Variants in DNMT3B observed in about 807,000 individuals in gnomAD.
The protein encoded by DNMT3B is DNA methyltransferase 3 beta.
A neutral mutation model predicts 120.2 loss-of-function variants in DNMT3B; 37 were observed. That is an observed-to-expected ratio of 0.31 (90% CI 0.24 to 0.40). DNMT3B has a LOEUF of 0.40. Ranked by LOEUF, DNMT3B falls within the 10% of genes least tolerant of loss-of-function variation. The probability of loss-of-function intolerance (pLI) is 1.00; values close to 1 mark genes in which losing one functional copy is unlikely to be tolerated. For synonymous variants in DNMT3B, 412 were observed against 442.8 expected (o/e 0.93, Z 0.87); for missense variants, 878 against 1,137.3 (o/e 0.77, Z 3.28).
chr20:32,763,222 G>C (rs1263351361), intron 1 of DNMT3B, among the ~76,000 whole-genome samples: 1 of 152,206 alleles, frequency 6.6e-6, no homozygotes, highest in Non-Finnish European at 1.5e-5. Context: ...GTCTTCAGGC[G>C]AGGCGCTGTC....
chr20:32,778,742 CTTGAGGCCAGGAGT>C (rs1314949787), intron 1 of DNMT3B, among the ~76,000 whole-genome samples: 1 of 152,206 alleles, frequency 6.6e-6, no homozygotes, highest in Non-Finnish European at 1.5e-5. Flanking sequence ...GGGAGGATCC[CTTGAGGCCAGGAGT>C]TTGAGGCCAG....
Position 32,777,682 on chromosome 20 carries a change from T to A in DNMT3B, c.-6-2636T>A, listed in dbSNP as rs538394905. ...CCCACTAGGTTACTTAGTTCACTGATTTGGCCTGAGGTGAAACGCTTGAAA... is the reference window on the plus strand; with the variant it reads ...CCCACTAGGTTACTTAGTTCACTGAATTGGCCTGAGGTGAAACGCTTGAAA... On this transcript the variant is annotated intron_variant, in intron 1 of 22. Transcript: ENST00000328111. 8.5e-5 allele frequency among the ~76,000 whole-genome samples: 13 copies of A among 152,272 alleles called. No homozygotes were observed. In the East Asian group the frequency reaches 2.5e-3, roughly 29 times the overall value.
intron 1 of DNMT3B, among the ~76,000 whole-genome samples, chr20:32,769,502 C>G (rs991437184): frequency 3.3e-5 from 5 of 152,128 alleles, no homozygotes; most frequent in Admixed American, 6.5e-5. Flanking sequence ...GTGGGTTCAG[C>G]TGACTGTTTT....
intron 1 of DNMT3B, chr20:32,780,051 C>T (rs941712747): frequency 1.9e-6 from 3 of 1,593,956 alleles, no homozygotes; most frequent in Admixed American, 1.7e-5. Context: ...GCCTGAGACC[C>T]CAGCCCTGGC....
chr20:32,768,527 A>G (rs1443969189), intron 1 of DNMT3B, among the ~76,000 whole-genome samples: 3 of 152,042 alleles, frequency 2.0e-5, no homozygotes, highest in Middle Eastern at 3.4e-3. Context: ...GGCTCTCGGT[A>G]TGTTGCCCAG....
At chr20:32,801,608 A>G (rs1224094218) in intron 19 of DNMT3B, among the ~76,000 whole-genome samples, 182 bp downstream of exon 19, 1 of 152,112 alleles carries the variant, frequency 6.6e-6, no homozygotes, top group Non-Finnish European at 1.5e-5. Context: ...TTTTTGAGAC[A>G]GGGTCTTGCT....
Position 32,792,645 on chromosome 20 carries a change from G to GCAAGA in DNMT3B, c.943_947dup (p.Phe317ArgfsTer15). On this transcript the variant is annotated frameshift_variant, in exon 9 of 23. Transcript: ENST00000328111. LOFTEE classifies it high-confidence loss of function. ...TTGCAGAAAGCTAGGGTGCGAGCTGGCAAGACCTTCCCCAGCAGCCCTGGA... is the reference window on the plus strand; with the variant it reads ...TTGCAGAAAGCTAGGGTGCGAGCTGGCAAGACAAGACCTTCCCCAGCAGCCCTGGA... 1 of 1,614,254 alleles carries GCAAGA rather than the reference G, an allele frequency of 6.2e-7. No homozygotes were observed.
At chr20:32,788,324 T>G (rs895728190) in intron 6 of DNMT3B, among the ~76,000 whole-genome samples, 5 of 152,244 alleles carry the variant, frequency 3.3e-5, no homozygotes, top group African/African-American at 9.6e-5. Context: ...GAGGTTCATG[T>G]CTGGATAATA....
chr20:32,805,979 G>A (rs1298128586), intron 21 of DNMT3B, among the ~76,000 whole-genome samples: 1 of 152,056 alleles, frequency 6.6e-6, no homozygotes, highest in Non-Finnish European at 1.5e-5. Flanking sequence ...TTTGTGGGAA[G>A]CACAAAATGT....
At position 32,800,239 on chromosome 20, in the gene DNMT3B, G is replaced by A. The variant is rs754182982; in HGVS notation, c.1846G>A (p.Val616Met). 11 of 1,614,222 alleles carry A rather than the reference G, an allele frequency of 6.8e-6. No individual in the cohort carries two copies. The highest frequency in any genetic ancestry group is 4.4e-5 in the South Asian group (4 of 91,088). ...TGAGGAGTCCATTGCTGTTGGAACCGTGAAGCACGAGGGGAATATCAAATA... is the reference window on the plus strand; with the variant it reads ...TGAGGAGTCCATTGCTGTTGGAACCATGAAGCACGAGGGGAATATCAAATA... ...VCEESIAVGT[V>M]KHEGNIKYVN... The change falls in exon 17 of 23, where the codon GTG becomes ATG. Residue 616 changes from valine to methionine, a missense_variant. Physicochemically the swap from Val to Met is conservative, Grantham distance 21. Around this residue, in one of 4 missense-constraint regions of DNMT3B, gnomAD observed 334 missense variants for 518.8 expected, o/e 0.64. Transcript: ENST00000328111.
At chr20:32,762,927 T>C (rs144175848) in intron 1 of DNMT3B, among the ~76,000 whole-genome samples, 1,577 of 151,824 alleles carry the variant, frequency 0.01, 13 homozygotes, top group Non-Finnish European at 0.018. Context: ...GCGGGGGACA[T>C]ACGTCTGACG....
intron 1 of DNMT3B, among the ~76,000 whole-genome samples, chr20:32,769,876 G>A (rs1021583236): frequency 3.9e-5 from 6 of 152,006 alleles, no homozygotes; most frequent in African/African-American, 1.4e-4. Flanking sequence ...ATAGCCCTTC[G>A]AGTCTGGGTT....
intron 1 of DNMT3B, among the ~76,000 whole-genome samples, chr20:32,772,731 G>T (rs954305942): frequency 6.6e-5 from 10 of 152,050 alleles, no homozygotes; most frequent in African/African-American, 2.4e-4. Context: ...GATCTTTATG[G>T]TCCTAGTTTT....
chr20:32,805,819 CTG>C (rs1568864072), intron 21 of DNMT3B, among the ~76,000 whole-genome samples: 1 of 151,932 alleles, frequency 6.6e-6, no homozygotes, highest in Non-Finnish European at 1.5e-5. Flanking sequence ...TGAGCATTCT[CTG>C]TATCTGGGTG....
chr20:32,796,757 C>G lies in DNMT3B; in HGVS notation c.1298-33C>G. 1.9e-6 allele frequency: 3 copies of G among 1,613,644 alleles called. No homozygotes were observed. In the South Asian group the frequency reaches 3.3e-5, roughly 18 times the overall value. On this transcript the variant is annotated intron_variant, in intron 12 of 22. Transcript: ENST00000328111. ...TTAGCAGCTGGTGTCAGGGCCTCAA[C>G]TGCCAAAAGCCACAACCCTGTTTTT...
intron 21 of DNMT3B, 38 bp from the exon 22 acceptor site, chr20:32,806,171 A>G: frequency 1.3e-6 from 2 of 1,599,802 alleles, no homozygotes; most frequent in Non-Finnish European, 8.6e-7. Context: ...AGGTCCCTTC[A>G]TTCTGTGCTC....
chr20:32,796,683 C>A, intron 12 of DNMT3B, 107 bp from the exon 13 acceptor site: 1 of 1,246,828 alleles, frequency 8.0e-7, no homozygotes, highest in Non-Finnish European at 1.2e-6. Context: ...GAGTCCTTGG[C>A]AAGCTGCTGG....
chr20:32,787,299 A>G lies in DNMT3B; in HGVS notation c.502A>G (p.Ile168Val), dbSNP rs1344773962. 2 of 1,614,012 alleles carry G rather than the reference A, an allele frequency of 1.2e-6. No individual in the cohort carries two copies. Among genetic ancestry groups the G allele is most frequent in the Non-Finnish European group, 1.7e-6 (2 of 1,180,016 alleles). Residue 168 changes from isoleucine to valine, a missense_variant, in exon 6 of 23, where the codon ATC (isoleucine) becomes GTC (valine). Around this residue, in one of 4 missense-constraint regions of DNMT3B, gnomAD observed 287 missense variants for 306.2 expected, o/e 0.94. Transcript: ENST00000328111. ...GTCCCCTCCCAGCTCTTACCTTACC[A>G]TCGACCTCACAGACGACACAGAGGA... ...WPSPPSSYLTIDLTDDTEDTH... is the reference protein window; with the variant it reads ...WPSPPSSYLTVDLTDDTEDTH...
intron 15 of DNMT3B, 95 bp downstream of exon 15, chr20:32,798,738 G>A: frequency 6.4e-7 from 1 of 1,556,288 alleles, no homozygotes; most frequent in East Asian, 2.3e-5. Flanking sequence ...TAGAAGTAAA[G>A]ACACGTTGTA....
Sources: allele counts gnomAD v4.1 joint callset (sites outside exome capture counted in the v4.1 genomes callset), GRCh38; gene constraint gnomAD v4.1.1; regional missense constraint gnomAD v4.1.1; transcripts MANE v1.5; gene names NCBI Gene and HGNC (gene_info 2026-07-23, HGNC 2026-07-21).